Variants in RIMBP2 observed in about 807,000 individuals in gnomAD.
RIMBP2 encodes RIMS-binding protein 2.
Under a neutral mutation model 118.6 loss-of-function variants are expected in RIMBP2, and 48 were observed. The observed-to-expected ratio is 0.40, with a 90% CI of 0.32 to 0.51. The LOEUF is 0.51. RIMBP2 is among the 20% of genes least tolerant of loss of function. The pLI is 0.41. For missense variants in RIMBP2, 1,551 were observed against 1,768.3 expected (o/e 0.88, Z 2.20); for synonymous variants, 762 against 742.9 (o/e 1.03, Z -0.42).
Position 130,424,628 on chromosome 12 carries a change from G to A in RIMBP2, c.2643C>T (p.Gly881=). The part of the protein sequence containing the change: ...RPYRGDEAPR[G]SWFPVKHRGS... ...CCCTGTGCTTCACCGGGAACCAGGAGCCCCGAGGGGCCTCGTCGCCCCTGT... is the reference window on the plus strand; with the variant it reads ...CCCTGTGCTTCACCGGGAACCAGGAACCCCGAGGGGCCTCGTCGCCCCTGT... Residue 881 remains glycine (G), a synonymous_variant, in exon 16 of 23, where the codon GGC becomes GGT. Transcript: ENST00000690449. The surrounding 1 kb of genome is among the most constrained non-coding windows in gnomAD (Gnocchi z 9.8). The A allele has an allele frequency of 1.6e-6, 2 of 1,231,824 alleles. No homozygotes were observed. The highest frequency in any genetic ancestry group is 2.0e-6 in the Non-Finnish European group (2 of 987,796). 76.3% of individuals were successfully genotyped at this position (1,231,824 alleles called of 1,614,324 possible). A position where few individuals can be genotyped will look rare whatever the true frequency, so the allele number is the denominator to read the frequency against.
At chr12:130,582,720 A>G (rs1353552313) in intron 2 of RIMBP2, among the ~76,000 whole-genome samples, 1 of 152,242 alleles carries the variant, frequency 6.6e-6, no homozygotes, top group Non-Finnish European at 1.5e-5. Flanking sequence ...GACCTGCTGA[A>G]TCAGAAACTG....
Position 130,437,282 on chromosome 12 carries a change from C to T in RIMBP2, c.1666G>A (p.Val556Ile). 1 of 1,576,352 alleles carries T rather than the reference C, an allele frequency of 6.3e-7. No homozygotes were observed. The highest frequency in any genetic ancestry group is 1.8e-5 in the Admixed American group (1 of 56,834). Residue 556 changes from valine (V) to isoleucine (I), a missense_variant, in exon 13 of 23, where the codon GTC becomes ATC. Physicochemically the swap from Val to Ile is conservative, Grantham distance 29. This residue lies in a region of RIMBP2 where 1,038 missense variants were observed against 1,125.1 expected (regional missense o/e 0.92). Transcript: ENST00000690449. ...GTGCTGTCTGCCGTGGGGAAGATGA[C>T]TTCAGCCACCTGTGGACAAGCAGAG... is the stretch of plus-strand genomic sequence containing the variant. ...VYAKGQRVAE[V>I]IFPTADSTAV...
At chr12:130,488,661 T>C (rs565499981) in intron 4 of RIMBP2, among the ~76,000 whole-genome samples, 18 of 151,468 alleles carry the variant, frequency 1.2e-4, no homozygotes, top group Admixed American at 9.2e-4. Flanking sequence ...TCAATGTTTC[T>C]TTCTATCACT....
intron 3 of RIMBP2, among the ~76,000 whole-genome samples, chr12:130,515,949 C>T (rs1206741628): frequency 6.6e-6 from 1 of 152,210 alleles, no homozygotes; most frequent in Non-Finnish European, 1.5e-5. Context: ...CCACTCACCT[C>T]AGCCTCTCAA....
At chr12:130,634,805 C>T (rs2062244141) in intron 1 of RIMBP2, among the ~76,000 whole-genome samples, 1 of 152,062 alleles carries the variant, frequency 6.6e-6, no homozygotes, top group African/African-American at 2.4e-5. Context: ...CACTATGTCA[C>T]CCAGGCTCAT....
In RIMBP2 at chr12:130,447,255, T is replaced by A. The variant is rs988292773; in HGVS notation, c.582-1986A>T. 2.2e-5 allele frequency among the ~76,000 whole-genome samples: 3 copies of A among 136,546 alleles called. No homozygotes were observed. Among genetic ancestry groups the A allele is most frequent in the African/African-American group, 8.4e-5 (3 of 35,914 alleles). 89.6% of individuals were successfully genotyped at this position (136,546 alleles called of 152,430 possible). A position where few individuals can be genotyped will look rare whatever the true frequency, so the allele number is the denominator to read the frequency against. Reference sequence around the variant, plus strand: ...GAGGGAAGGTGAACACCGAGAAGGGTGGAAGAAGGTCCCTGGCTGGTAAGG... The same window carrying A: ...GAGGGAAGGTGAACACCGAGAAGGGAGGAAGAAGGTCCCTGGCTGGTAAGG... On this transcript the variant is annotated intron_variant, in intron 9 of 22. Coordinates refer to ENST00000690449, the MANE Select transcript of RIMBP2 (RefSeq NM_001393629.1). The surrounding 1 kb of genome is among the most constrained non-coding windows in gnomAD (Gnocchi z 4.4).
intron 20 of RIMBP2, among the ~76,000 whole-genome samples, 169 bp from the exon 21 acceptor site, chr12:130,406,412 T>C (rs1449287161): frequency 6.6e-6 from 1 of 152,226 alleles, no homozygotes; most frequent in Non-Finnish European, 1.5e-5. Context: ...CACAGTCTTC[T>C]AGAAAGTAAG....
chr12:130,490,813 G>T (rs973335768), intron 4 of RIMBP2, among the ~76,000 whole-genome samples: 1 of 152,184 alleles, frequency 6.6e-6, no homozygotes, highest in African/African-American at 2.4e-5. Context: ...TTACCGGCCA[G>T]TCCACAGGAC....
chr12:130,601,010 C>T (rs58883890), intron 2 of RIMBP2, among the ~76,000 whole-genome samples: 61,103 of 151,836 alleles, frequency 0.4, 13,066 homozygotes, highest in African/African-American at 0.54. Context: ...AAGCCCTAGC[C>T]GAGTACACCC....
chr12:130,664,930 G>A (rs1284243633), intron 1 of RIMBP2, among the ~76,000 whole-genome samples: 3 of 151,858 alleles, frequency 2.0e-5, no homozygotes, highest in South Asian at 2.1e-4. Flanking sequence ...GGGACAACAG[G>A]AAAACTGCCC....
At chr12:130,704,231 G>T (rs769332102) in intron 1 of RIMBP2, among the ~76,000 whole-genome samples, 1 of 151,932 alleles carries the variant, frequency 6.6e-6, no homozygotes, top group African/African-American at 2.4e-5. Context: ...AACTCAACCC[G>T]CGTCCCAAAG....
chr12:130,568,715 C>T (rs969029591), intron 2 of RIMBP2, among the ~76,000 whole-genome samples: 6 of 152,184 alleles, frequency 3.9e-5, no homozygotes, highest in African/African-American at 1.2e-4. Flanking sequence ...GAAAACACTT[C>T]CAGGTCCCCA....
intron 1 of RIMBP2, among the ~76,000 whole-genome samples, chr12:130,680,033 A>G (rs1232609977): frequency 6.6e-6 from 1 of 152,150 alleles, no homozygotes; most frequent in East Asian, 1.9e-4. Context: ...CACCGTGGGA[A>G]GGATCCCTGA....
rs562644894 is a variant in RIMBP2, at chr12:130,442,365, A to G, written c.987T>C (p.Ser329=). The change falls in exon 11 of 23, where the codon AGT becomes AGC. Residue 329 remains serine (S), a synonymous_variant. Coordinates refer to ENST00000690449, the MANE Select transcript of RIMBP2 (RefSeq NM_001393629.1). This position sits in a 1 kb window ranked among gnomAD's most constrained non-coding sequence, Gnocchi z 6.9. ...CCGGGGGCTCCCAGCCCACAATAACACTTTTGGCGAGTTGTTTGATGAGGG... is the reference window on the plus strand; with the variant it reads ...CCGGGGGCTCCCAGCCCACAATAACGCTTTTGGCGAGTTGTTTGATGAGGG... ...KITLIKQLAK[S]VIVGWEPPAV... The G allele has an allele frequency of 4.2e-5, 67 of 1,613,774 alleles. No homozygotes were observed. Among genetic ancestry groups the G allele is most frequent in the Non-Finnish European group, 5.7e-5 (67 of 1,179,996 alleles).
intron 2 of RIMBP2, among the ~76,000 whole-genome samples, chr12:130,603,668 G>A (rs2059996932): frequency 6.6e-6 from 1 of 152,200 alleles, no homozygotes; most frequent in Non-Finnish European, 1.5e-5. Flanking sequence ...CCATGGTGGT[G>A]CCATAAGATT....
chr12:130,599,120 C>T (rs1014375435), intron 2 of RIMBP2, among the ~76,000 whole-genome samples: 4 of 152,192 alleles, frequency 2.6e-5, no homozygotes, highest in Non-Finnish European at 5.9e-5. Context: ...CTTCAACATC[C>T]TTCACATCAT....
chr12:130,550,350 GA>G (rs2055631392), intron 2 of RIMBP2, among the ~76,000 whole-genome samples: 1 of 152,192 alleles, frequency 6.6e-6, no homozygotes, highest in Non-Finnish European at 1.5e-5. Flanking sequence ...GCTTTCTCCT[GA>G]AAACATAAAG....
intron 2 of RIMBP2, among the ~76,000 whole-genome samples, chr12:130,567,788 A>G (rs1433320344): frequency 1.3e-5 from 2 of 152,104 alleles, no homozygotes; most frequent in African/African-American, 4.8e-5. Flanking sequence ...CCAGCCTTGC[A>G]GGGGGAGCCA....
In RIMBP2 at chr12:130,511,450, C is replaced by T. The variant is rs1430443052; in HGVS notation, c.-126-4680G>A. Among the ~76,000 whole-genome samples, 1 of 152,210 alleles carries T rather than the reference C, an allele frequency of 6.6e-6. No homozygotes were observed. Reference sequence around the variant, plus strand: ...ATTGTCACTCTACACCAACAACTGGCATCTGTCCCTGGAAAGCCCTAAGCC... The same window carrying T: ...ATTGTCACTCTACACCAACAACTGGTATCTGTCCCTGGAAAGCCCTAAGCC... On this transcript the variant is annotated intron_variant, in intron 3 of 22. Transcript: ENST00000690449. This position sits in a 1 kb window ranked among gnomAD's most constrained non-coding sequence, Gnocchi z 4.3.
Sources: allele counts gnomAD v4.1 joint callset (sites outside exome capture counted in the v4.1 genomes callset), GRCh38; gene constraint gnomAD v4.1.1; regional missense constraint gnomAD v4.1.1; non-coding constraint Gnocchi (gnomAD v3.1); transcripts MANE v1.5; gene names NCBI Gene and HGNC (gene_info 2026-07-23, HGNC 2026-07-21).